The following LRRC8B variants were observed in gnomAD, a reference collection of about 807,000 sequenced individuals.
The protein encoded by LRRC8B is leucine rich repeat containing 8 VRAC subunit B.
LRRC8B carries 23 observed loss-of-function variants against 58.8 expected under a neutral mutation model. The ratio of observed to expected loss-of-function variants is 0.39; its 90% CI spans 0.28 to 0.55. The LOEUF (loss-of-function observed/expected upper bound fraction) is 0.55, where lower values mean the gene tolerates loss of function less well. LRRC8B is among the 20% of genes least tolerant of loss of function. LRRC8B has a pLI of 0.62. For missense variants in LRRC8B, 694 were observed against 936.0 expected, an observed-to-expected ratio of 0.74 and a Z score of 3.37; for synonymous variants, 359 against 374.1, an observed-to-expected ratio of 0.96 and a Z score of 0.47.
intron 3 of LRRC8B, among the ~76,000 whole-genome samples, chr1:89,578,778 AT>A (rs1473082463): frequency 3.5e-4 from 53 of 152,262 alleles, no homozygotes; most frequent in African/African-American, 1.2e-3. Flanking sequence ...AAAAGATATA[AT>A]TTTTACTTTC....
chr1:89,528,685 C>A (rs1014662756), intron 1 of LRRC8B, among the ~76,000 whole-genome samples: 1 of 152,172 alleles, frequency 6.6e-6, no homozygotes, highest in African/African-American at 2.4e-5. Flanking sequence ...TATGATGGTT[C>A]TACAGTCTTC....
intron 1 of LRRC8B, among the ~76,000 whole-genome samples, chr1:89,542,038 T>C (rs1041602675): frequency 6.6e-6 from 1 of 152,204 alleles, no homozygotes; most frequent in African/African-American, 2.4e-5. Context: ...CCTTTAAAAG[T>C]TGTAAAATCC....
intron 1 of LRRC8B, among the ~76,000 whole-genome samples, chr1:89,533,945 G>A (rs1650332100): frequency 6.6e-6 from 1 of 152,198 alleles, no homozygotes; most frequent in Non-Finnish European, 1.5e-5. Flanking sequence ...AATAGCTAAA[G>A]TACTTTGTCT....
At position 89,562,748 on chromosome 1, in the gene LRRC8B, G is replaced by A. The variant is rs151014989; in HGVS notation, c.-240-5499G>A. Among the ~76,000 whole-genome samples the A allele has an allele frequency of 9.9e-5, 15 of 152,230 alleles. No individual in the cohort carries two copies. In the East Asian group the frequency reaches 2.9e-3, roughly 29 times the overall value. ...AGCTCCTAAAGTGCTGGGATTACAG[G>A]CATGAGCCACCTTGCCTGACCATAT... On this transcript the variant is annotated intron_variant, in intron 1 of 5. Transcript: ENST00000330947.
intron 1 of LRRC8B, among the ~76,000 whole-genome samples, chr1:89,540,566 G>A (rs1323232051): frequency 6.6e-6 from 1 of 152,220 alleles, no homozygotes; most frequent in Non-Finnish European, 1.5e-5. Flanking sequence ...GAGCATTGGA[G>A]TGGGAGTTGG....
intron 1 of LRRC8B, chr1:89,526,888 A>G (rs1172750655): frequency 6.6e-6 from 1 of 152,176 alleles, no homozygotes; most frequent in Non-Finnish European, 1.5e-5. Context: ...ATTTCATTTG[A>G]CTAGTTGAGA....
At chr1:89,572,492 G>A (rs1653540399) in intron 3 of LRRC8B, 1 of 152,298 alleles carries the variant, frequency 6.6e-6, no homozygotes, top group South Asian at 2.1e-4. Flanking sequence ...ATCAGCTATA[G>A]ATTCAGTCTT....
intron 1 of LRRC8B, among the ~76,000 whole-genome samples, chr1:89,566,477 A>G (rs959828469): frequency 6.6e-6 from 1 of 152,224 alleles, no homozygotes; most frequent in African/African-American, 2.4e-5. Flanking sequence ...GTGAATGAGT[A>G]TGATATTCCA....
rs1294323167 is a variant in LRRC8B, at chr1:89,569,191, A to C, written c.-125+698A>C. 2.6e-5 allele frequency among the ~76,000 whole-genome samples: 4 copies of C among 152,160 alleles called. No individual in the cohort carries two copies. The East Asian group carries it at 7.7e-4, about 29-fold the overall frequency. On this transcript the variant is annotated intron_variant, in intron 3 of 5. Coordinates refer to ENST00000330947, the MANE Select transcript of LRRC8B (RefSeq NM_001369817.2). Reference sequence around the variant, plus strand: ...CAGTGGTGAAGACAGGGGGTCTGTCACCTACTACATTCTAAACATCCTTTT... The same window carrying C: ...CAGTGGTGAAGACAGGGGGTCTGTCCCCTACTACATTCTAAACATCCTTTT...
At chr1:89,550,994 C>A (rs922705599) in intron 1 of LRRC8B, among the ~76,000 whole-genome samples, 2 of 152,180 alleles carry the variant, frequency 1.3e-5, no homozygotes, top group East Asian at 3.9e-4. Flanking sequence ...TCAAGCCATA[C>A]TCTCATATTC....
rs1378412844 is a variant in LRRC8B, at chr1:89,596,795, G to A, written c.*3752G>A. 2 of 152,166 alleles carry A rather than the reference G, an allele frequency of 1.3e-5. No individual in the cohort carries two copies. The highest frequency in any genetic ancestry group is 2.4e-5 in the African/African-American group (1 of 41,456). The allele number at this position is 152,166 out of a possible 1,614,324, so 9.4% of individuals were successfully genotyped here. A position where few individuals can be genotyped will look rare whatever the true frequency, so the allele number is the denominator to read the frequency against. On this transcript the variant is annotated 3_prime_UTR_variant, in exon 6 of 6. Coordinates refer to ENST00000330947, the MANE Select transcript of LRRC8B (RefSeq NM_001369817.2). ...TGAGCATGTATTTATTTAGGAGGAAGCCAGTGCCTGTAATTATGTCTCATT... is the reference window on the plus strand; with the variant it reads ...TGAGCATGTATTTATTTAGGAGGAAACCAGTGCCTGTAATTATGTCTCATT...
At chr1:89,567,340 A>G (rs1470605053) in intron 1 of LRRC8B, among the ~76,000 whole-genome samples, 1 of 152,200 alleles carries the variant, frequency 6.6e-6, no homozygotes, top group Non-Finnish European at 1.5e-5. Flanking sequence ...ACTCCGCTAT[A>G]TTTTGTTATT....
rs1220648637 is a variant in LRRC8B, at chr1:89,587,266, T to G, written c.2139+2477T>G. ...GGGATTTAACTAATTTTAAGATTATTTACAACCTTCAGAGTCTCATGATTC... is the reference window on the plus strand; with the variant it reads ...GGGATTTAACTAATTTTAAGATTATGTACAACCTTCAGAGTCTCATGATTC... On this transcript the variant is annotated intron_variant, in intron 5 of 5. Transcript: ENST00000330947. 4.6e-5 allele frequency among the ~76,000 whole-genome samples: 7 copies of G among 152,178 alleles called. No homozygotes were observed. In the East Asian group the frequency reaches 1.3e-3, roughly 29 times the overall value.
intron 1 of LRRC8B, among the ~76,000 whole-genome samples, chr1:89,540,541 C>T (rs1056782012): frequency 3.9e-5 from 6 of 152,154 alleles, no homozygotes; most frequent in Non-Finnish European, 5.9e-5. Flanking sequence ...CTTTGTGACA[C>T]GAATGAAAGA....
intron 1 of LRRC8B, among the ~76,000 whole-genome samples, chr1:89,563,394 T>C (rs976753513): frequency 6.6e-6 from 1 of 152,178 alleles, no homozygotes; most frequent in African/African-American, 2.4e-5. Context: ...CATCAAAAAG[T>C]AGAGGTTACC....
At chr1:89,525,413 CG>C (rs1368790026) in intron 1 of LRRC8B, among the ~76,000 whole-genome samples, 6 of 152,200 alleles carry the variant, frequency 3.9e-5, no homozygotes. Flanking sequence ...GCTGGCGTCT[CG>C]CTCCAGATGA....
intron 1 of LRRC8B, among the ~76,000 whole-genome samples, chr1:89,564,749 C>T (rs1335514070): frequency 3.3e-5 from 5 of 152,188 alleles, no homozygotes; most frequent in Admixed American, 3.3e-4. Flanking sequence ...CATAATAGAA[C>T]TATCAGTATT....
chr1:89,550,356 A>G (rs561481520), intron 1 of LRRC8B, among the ~76,000 whole-genome samples: 15 of 152,262 alleles, frequency 9.9e-5, no homozygotes, highest in African/African-American at 3.4e-4. Flanking sequence ...GGCAAATTCT[A>G]ACTTTTTAAA....
At position 89,584,612 on chromosome 1, in the gene LRRC8B, A is replaced by G; in HGVS notation, c.1962A>G (p.Ala654=). ...NIAYIPAQIG[A]LSNLEQLSLD... ...CTTATATTCCTGCACAGATTGGGGC[A>G]TTATCTAACCTAGAGCAGCTCTCTT... The change falls in exon 5 of 6, where the codon GCA becomes GCG. Residue 654 remains alanine, a synonymous_variant. Transcript: ENST00000330947. 4 of 1,614,142 alleles carry G rather than the reference A, an allele frequency of 2.5e-6. No homozygotes were observed. Among genetic ancestry groups the G allele is most frequent in the Non-Finnish European group, 3.4e-6 (4 of 1,180,020 alleles).
Sources: allele counts gnomAD v4.1 joint callset (sites outside exome capture counted in the v4.1 genomes callset), GRCh38; gene constraint gnomAD v4.1.1; transcripts MANE v1.5; gene names NCBI Gene and HGNC (gene_info 2026-07-23, HGNC 2026-07-21).